PPP3CC: variants seen among roughly 807,000 people sequenced by gnomAD.
The protein encoded by PPP3CC is serine/threonine-protein phosphatase 2B catalytic subunit gamma isoform.
Under a neutral mutation model 60.3 loss-of-function variants are expected in PPP3CC, and 35 were observed. The observed-to-expected ratio is 0.58, with a 90% CI of 0.44 to 0.77. The LOEUF is 0.77. Among genes scored for constraint, PPP3CC ranks in the 30% least tolerant of loss-of-function variants. The probability of loss-of-function intolerance (pLI) is 0.00; values close to 1 mark genes in which losing one functional copy is unlikely to be tolerated. For missense variants in PPP3CC, 570 were observed against 628.9 expected, an observed-to-expected ratio of 0.91 and a Z score of 1.00; for synonymous variants, 206 against 224.3, an observed-to-expected ratio of 0.92 and a Z score of 0.73.
intron 1 of PPP3CC, among the ~76,000 whole-genome samples, chr8:22,457,550 C>G (rs1033453505): frequency 6.6e-6 from 1 of 151,362 alleles, no homozygotes; most frequent in Non-Finnish European, 1.5e-5. Context: ...TCAAGCGATC[C>G]ATCTGCTTCA....
chr8:22,492,486 T>C (rs1838434679), intron 3 of PPP3CC: 1 of 274,594 alleles, frequency 3.6e-6, no homozygotes, highest in Non-Finnish European at 6.9e-6. Context: ...TTTTACTTTA[T>C]AAGATTTTTA....
chr8:22,452,576 C>T (rs1215267024), intron 1 of PPP3CC, among the ~76,000 whole-genome samples: 2 of 151,952 alleles, frequency 1.3e-5, no homozygotes, highest in African/African-American at 4.8e-5. Flanking sequence ...TAGCTCACTG[C>T]AGCCTCAAAC....
At chr8:22,493,903 C>T (rs1472256767) in intron 3 of PPP3CC, among the ~76,000 whole-genome samples, 2 of 152,056 alleles carry the variant, frequency 1.3e-5, no homozygotes, top group Admixed American at 1.3e-4. Flanking sequence ...ATTGTATGTG[C>T]TATACTTTTA....
chr8:22,487,751 T>C (rs1299835228), intron 3 of PPP3CC, among the ~76,000 whole-genome samples: 2 of 152,192 alleles, frequency 1.3e-5, no homozygotes, highest in African/African-American at 2.4e-5. Context: ...AGCAAAGATA[T>C]ACTGTATTAA....
At chr8:22,528,032 A>G (rs17733242) in intron 9 of PPP3CC, among the ~76,000 whole-genome samples, 11,453 of 152,296 alleles carry the variant, frequency 0.075, 563 homozygotes, top group Non-Finnish European at 0.11. Flanking sequence ...CTGACCTACT[A>G]TGATCAAGAT....
chr8:22,522,757 A>C lies in PPP3CC; in HGVS notation c.943+8A>C. The C allele has an allele frequency of 1.3e-6, 2 of 1,532,438 alleles. No individual in the cohort carries two copies. The highest frequency in any genetic ancestry group is 1.8e-6 in the Non-Finnish European group (2 of 1,107,088). The allele number at this position is 1,532,438 out of a possible 1,614,324, so 94.9% of individuals were successfully genotyped here. A position where few individuals can be genotyped will look rare whatever the true frequency, so the allele number is the denominator to read the frequency against. On this transcript the variant is annotated splice_region_variant and intron_variant, in intron 8 of 13. Coordinates refer to ENST00000240139, the MANE Select transcript of PPP3CC (RefSeq NM_005605.5). ...ATGTCTATAACAATAAAGGTAAAGGAATCCAGCAATATTTGAGTTTGAATT... is the reference window on the plus strand; with the variant it reads ...ATGTCTATAACAATAAAGGTAAAGGCATCCAGCAATATTTGAGTTTGAATT...
rs553314312 is a variant in PPP3CC at position 22,466,824 on chromosome 8, C to T, written c.50-8130C>T. Among the ~76,000 whole-genome samples, 3 of 152,250 alleles carry T rather than the reference C, an allele frequency of 2.0e-5. No individual in the cohort carries two copies. The South Asian group carries it at 6.2e-4, about 32-fold the overall frequency. On this transcript the variant is annotated intron_variant, in intron 1 of 13. Transcript: ENST00000240139. The stretch of plus-strand genomic sequence containing the variant: ...GCTGACGACTGTAGCTGACTGCAGC[C>T]TCAACCTATTGGGTTCCAGAGATCC...
chr8:22,510,139 C>T (rs956907123), intron 4 of PPP3CC, among the ~76,000 whole-genome samples: 4 of 148,302 alleles, frequency 2.7e-5, no homozygotes, highest in Non-Finnish European at 4.4e-5. Flanking sequence ...GCTAAGATCC[C>T]GCTACTGCAC....
At chr8:22,508,208 T>C (rs1046232986) in intron 4 of PPP3CC, among the ~76,000 whole-genome samples, 1 of 152,130 alleles carries the variant, frequency 6.6e-6, no homozygotes, top group African/African-American at 2.4e-5. Flanking sequence ...TGAGCTATGA[T>C]TGCACTACTG....
chr8:22,521,483 C>T (rs897786055), intron 6 of PPP3CC, among the ~76,000 whole-genome samples: 4 of 152,130 alleles, frequency 2.6e-5, no homozygotes, highest in African/African-American at 9.7e-5. Flanking sequence ...CTCCAAGCAG[C>T]CCTTCCTAGT....
intron 8 of PPP3CC, among the ~76,000 whole-genome samples, chr8:22,523,083 T>G (rs1235195102): frequency 6.6e-6 from 1 of 152,200 alleles, no homozygotes; most frequent in African/African-American, 2.4e-5. Context: ...ATTTAATGTG[T>G]TTATAACAGT....
At chr8:22,453,434 C>A (rs2132434602) in intron 1 of PPP3CC, among the ~76,000 whole-genome samples, 1 of 152,244 alleles carries the variant, frequency 6.6e-6, no homozygotes, top group Admixed American at 6.5e-5. Flanking sequence ...GTACAGTTAT[C>A]CCTTGGTATA....
At position 22,441,454 on chromosome 8, in the gene PPP3CC, C is replaced by T; in HGVS notation, c.45C>T (p.Ile15=). 2.6e-6 allele frequency: 4 copies of T among 1,544,734 alleles called. No individual in the cohort carries two copies. The highest frequency in any genetic ancestry group is 2.6e-6 in the Non-Finnish European group (3 of 1,145,076). The stretch of plus-strand genomic sequence containing the variant: ...ACCTCTCCACCACCGACCGCGTCAT[C>T]AAAGGTGCCTGGCGGGCCGGGCCTT... The part of the protein sequence containing the change: ...RFHLSTTDRV[I]KAVPFPPTQR... Residue 15 remains isoleucine, a synonymous_variant, in exon 1 of 14, where the codon ATC becomes ATT. Transcript: ENST00000240139.
intron 1 of PPP3CC, among the ~76,000 whole-genome samples, chr8:22,472,432 G>C (rs1837756864): frequency 7.3e-6 from 1 of 137,920 alleles, no homozygotes; most frequent in South Asian, 2.4e-4. Flanking sequence ...CACAGGGTCA[G>C]GATCATGAAT....
intron 3 of PPP3CC, among the ~76,000 whole-genome samples, chr8:22,486,676 A>T (rs1274072859): frequency 1.3e-5 from 2 of 151,826 alleles, no homozygotes; most frequent in African/African-American, 4.8e-5. Flanking sequence ...GAAGATGTTG[A>T]ACTAGTACAC....
intron 1 of PPP3CC, among the ~76,000 whole-genome samples, chr8:22,454,160 A>T (rs1837119747): frequency 6.6e-6 from 1 of 152,236 alleles, no homozygotes. Flanking sequence ...ATATAGCTGT[A>T]CATATTTTCT....
chr8:22,506,794 T>C (rs1202278885), intron 4 of PPP3CC, among the ~76,000 whole-genome samples: 1 of 151,398 alleles, frequency 6.6e-6, no homozygotes, highest in Non-Finnish European at 1.5e-5. Context: ...AAAAAAAAAT[T>C]AGCCGGGTGT....
At chr8:22,530,756 TGA>T (rs1437064353) in intron 10 of PPP3CC, among the ~76,000 whole-genome samples, 10 of 132,386 alleles carry the variant, frequency 7.6e-5, no homozygotes, top group Admixed American at 3.8e-4. Context: ...TGCTTGAACC[TGA>T]GAGGCGGAGG....
At chr8:22,489,204 G>A (rs187294183) in intron 3 of PPP3CC, among the ~76,000 whole-genome samples, 5 of 152,160 alleles carry the variant, frequency 3.3e-5, no homozygotes, top group Admixed American at 2.0e-4. Flanking sequence ...AATTAGATTA[G>A]GCATACTGAG....
Sources: gnomAD v4.1 joint callset for allele counts (sites outside exome capture counted in the v4.1 genomes callset) on GRCh38, gnomAD v4.1.1 for gene constraint, MANE v1.5 for transcripts, NCBI Gene and HGNC (gene_info 2026-07-23, HGNC 2026-07-21) for gene names.